THSD4: variants seen among roughly 807,000 people sequenced by gnomAD.
The protein encoded by THSD4 is thrombospondin type 1 domain containing 4.
In THSD4, 69 loss-of-function variants were observed where a neutral mutation model predicts 119.0. The ratio of observed to expected loss-of-function variants is 0.58; its 90% confidence interval spans 0.48 to 0.71. The LOEUF (loss-of-function observed/expected upper bound fraction) is 0.71, where lower values mean the gene tolerates loss of function less well. Among genes scored for constraint, THSD4 ranks in the 30% least tolerant of loss-of-function variants. The probability of loss-of-function intolerance (pLI) is 0.00; values close to 1 mark genes in which losing one functional copy is unlikely to be tolerated. For missense variants in THSD4, 1,393 were observed against 1,391.1 expected, an observed-to-expected ratio of 1.00 and a Z score of -0.02; for synonymous variants, 524 against 540.4, an observed-to-expected ratio of 0.97 and a Z score of 0.42.
chr15:71,429,383 T>C (rs2046913950), intron 7 of THSD4, among the ~76,000 whole-genome samples: 1 of 152,238 alleles, frequency 6.6e-6, no homozygotes, highest in Non-Finnish European at 1.5e-5. Flanking sequence ...TAAATGATTC[T>C]CTTTGAAATA....
At chr15:71,762,275 G>T (rs1359158911) in intron 15 of THSD4, among the ~76,000 whole-genome samples, 1 of 152,040 alleles carries the variant, frequency 6.6e-6, no homozygotes, top group African/African-American at 2.4e-5. Context: ...AGGCTGAGAC[G>T]GGCTCATTCT....
intron 6 of THSD4, among the ~76,000 whole-genome samples, chr15:71,283,064 G>A (rs1198447391): frequency 2.0e-5 from 3 of 151,464 alleles, no homozygotes; most frequent in East Asian, 3.9e-4. Context: ...CCACCTCCCG[G>A]GTTCAAACGA....
Position 71,746,943 on chromosome 15 carries a change from G to A in THSD4, c.2142G>A (p.Val714=), listed in dbSNP as rs373690717. 3.0e-4 allele frequency: 485 copies of A among 1,613,852 alleles called. 3 individuals carry two copies. In the South Asian group the frequency reaches 3.8e-3, roughly 13 times the overall value. The change falls in exon 13 of 18, where the codon GTG becomes GTA. Residue 714 remains valine, a synonymous_variant. Transcript: ENST00000261862. The stretch of plus-strand genomic sequence containing the variant: ...TGTACGCCAACCGCAGCCTGACGGT[G>A]CAGCCCTACCGCTGCCAGCACCTGG... ...RQVYANRSLT[V]QPYRCQHLEK...
rs529475342 is a variant in THSD4 at position 71,210,684 on chromosome 15, C to T, written c.100-4351C>T. Among the ~76,000 whole-genome samples the T allele has an allele frequency of 2.0e-5, 3 of 152,224 alleles. No individual in the cohort carries two copies. The South Asian group carries it at 6.2e-4, about 32-fold the overall frequency. ...GTGATTTTTTAATGTTTCAACTGAACACTTAAAGAGTGATATCAACAAATA... is the reference window on the plus strand; with the variant it reads ...GTGATTTTTTAATGTTTCAACTGAATACTTAAAGAGTGATATCAACAAATA... On this transcript the variant is annotated intron_variant, in intron 3 of 17. Coordinates refer to ENST00000261862, the MANE Select transcript of THSD4 (RefSeq NM_024817.3).
At chr15:71,341,838 C>A (rs1411247971) in intron 6 of THSD4, 6 of 663,628 alleles carry the variant, frequency 9.0e-6, no homozygotes, top group East Asian at 2.6e-5. Flanking sequence ...TTATTTCCAC[C>A]TACTAGGTTT....
chr15:71,745,902 C>T (rs1201090248), intron 12 of THSD4, among the ~76,000 whole-genome samples: 1 of 152,186 alleles, frequency 6.6e-6, no homozygotes, highest in Admixed American at 6.5e-5. Context: ...ACCTCAGCCT[C>T]CCAAAGTGCT....
chr15:71,145,136 A>G (rs1490966209), intron 2 of THSD4, among the ~76,000 whole-genome samples: 1 of 152,176 alleles, frequency 6.6e-6, no homozygotes, highest in African/African-American at 2.4e-5. Flanking sequence ...GCCAGCCAAC[A>G]AAATCTCTGG....
At chr15:71,207,395 A>C (rs984227495) in intron 3 of THSD4, among the ~76,000 whole-genome samples, 1 of 152,242 alleles carries the variant, frequency 6.6e-6, no homozygotes. Flanking sequence ...TGCCAAGTCC[A>C]GACCACCTCC....
chr15:71,665,807 A>G (rs1567090023), intron 8 of THSD4, among the ~76,000 whole-genome samples: 1 of 152,150 alleles, frequency 6.6e-6, no homozygotes, highest in Non-Finnish European at 1.5e-5. Flanking sequence ...AGATAGTGGT[A>G]GGTGTGTGGC....
intron 7 of THSD4, among the ~76,000 whole-genome samples, chr15:71,443,645 G>A (rs561951376): frequency 1.3e-5 from 2 of 152,074 alleles, no homozygotes; most frequent in South Asian, 2.1e-4. Flanking sequence ...CCCCCTGCTG[G>A]GCATTTGCAG....
intron 7 of THSD4, among the ~76,000 whole-genome samples, chr15:71,586,142 A>G (rs975595901): frequency 1.1e-4 from 16 of 152,274 alleles, no homozygotes; most frequent in African/African-American, 3.9e-4. Flanking sequence ...CTGATTCTTC[A>G]TAATTCATGT....
In THSD4 at chr15:71,604,162, T is replaced by G. The variant is rs1352290614; in HGVS notation, c.1153-56368T>G. The stretch of plus-strand genomic sequence containing the variant: ...AAATAAGTTTGGGCCCTAATGAGTT[T>G]GGGGTGGTGACATGAAGATTTATTA... On this transcript the variant is annotated intron_variant, in intron 7 of 17. Coordinates refer to ENST00000261862, the MANE Select transcript of THSD4 (RefSeq NM_024817.3). 5.3e-5 allele frequency among the ~76,000 whole-genome samples: 8 copies of G among 152,210 alleles called. 1 individual carries two copies. The East Asian group carries it at 1.5e-3, about 29-fold the overall frequency.
intron 7 of THSD4, among the ~76,000 whole-genome samples, chr15:71,457,682 T>C (rs1036418549): frequency 1.3e-5 from 2 of 152,210 alleles, no homozygotes; most frequent in Non-Finnish European, 2.9e-5. Context: ...ACTCATTCAC[T>C]TCTTCGATGC....
intron 8 of THSD4, among the ~76,000 whole-genome samples, chr15:71,677,536 C>T (rs1367363115): frequency 6.6e-6 from 1 of 152,176 alleles, no homozygotes; most frequent in Admixed American, 6.5e-5. Context: ...GCGCACCTCC[C>T]TTTGATTTAG....
intron 7 of THSD4, among the ~76,000 whole-genome samples, chr15:71,553,304 A>G (rs890553088): frequency 2.0e-5 from 3 of 150,158 alleles, no homozygotes; most frequent in African/African-American, 7.4e-5. Context: ...AATGAATGTG[A>G]ACGTTCCTGT....
intron 7 of THSD4, among the ~76,000 whole-genome samples, chr15:71,415,727 A>G (rs1209107594): frequency 1.3e-5 from 2 of 152,006 alleles, no homozygotes; most frequent in East Asian, 1.9e-4. Context: ...TATCCTCTCT[A>G]TCTCCATGAG....
At chr15:71,656,267 A>G (rs1408414414) in intron 7 of THSD4, among the ~76,000 whole-genome samples, 3 of 152,218 alleles carry the variant, frequency 2.0e-5, no homozygotes, top group African/African-American at 4.8e-5. Context: ...GGTTTTGACA[A>G]AGTGCTTTGG....
At chr15:71,350,808 C>T (rs948594347) in intron 6 of THSD4, among the ~76,000 whole-genome samples, 4 of 152,068 alleles carry the variant, frequency 2.6e-5, no homozygotes, top group Admixed American at 1.3e-4. Context: ...AGATTCAGGG[C>T]GTCTCCTGTG....
chr15:71,197,794 G>C (rs1162814081), intron 3 of THSD4, among the ~76,000 whole-genome samples: 1 of 152,122 alleles, frequency 6.6e-6, no homozygotes, highest in South Asian at 2.1e-4. Context: ...AATACCTGCT[G>C]CCTGTCTGCC....
Sources: allele counts gnomAD v4.1 joint callset (sites outside exome capture counted in the v4.1 genomes callset), GRCh38; gene constraint gnomAD v4.1.1; transcripts MANE v1.5; gene names NCBI Gene and HGNC (gene_info 2026-07-23, HGNC 2026-07-21).